POU2F1: variants seen among roughly 807,000 people sequenced by gnomAD.
POU2F1 encodes the protein POU class 2 homeobox 1, also known as POU domain, class 2, transcription factor 1.
POU2F1 carries 16 observed loss-of-function variants against 84.9 expected under a neutral mutation model. The observed-to-expected ratio is 0.19, with a 90% confidence interval of 0.13 to 0.29. The LOEUF is 0.29. POU2F1 is among the 10% of genes least tolerant of loss of function. POU2F1 has a pLI of 1.00. For synonymous variants in POU2F1, 368 were observed against 368.3 expected, an observed-to-expected ratio of 1.00 and a Z score of 0.01; for missense variants, 738 against 942.6, an observed-to-expected ratio of 0.78 and a Z score of 2.84.
chr1:167,252,279 G>A (rs1180228412), intron 1 of POU2F1, among the ~76,000 whole-genome samples: 1 of 152,036 alleles, frequency 6.6e-6, no homozygotes, highest in Non-Finnish European at 1.5e-5. Flanking sequence ...ATCCCTTTAA[G>A]ACGCTTTTAC....
intron 1 of POU2F1, among the ~76,000 whole-genome samples, chr1:167,303,815 G>C (rs1205368262): frequency 2.0e-5 from 3 of 152,136 alleles, no homozygotes; most frequent in African/African-American, 7.2e-5. Flanking sequence ...TCTTAGATTA[G>C]ACTCTGGTCT....
At chr1:167,249,524 CA>C (rs1484939723) in intron 1 of POU2F1, among the ~76,000 whole-genome samples, 4 of 152,098 alleles carry the variant, frequency 2.6e-5, no homozygotes, top group African/African-American at 7.2e-5. Context: ...AACAGAAGGA[CA>C]GGGGAGCAAG....
chr1:167,222,241 C>T (rs1426461518), intron 1 of POU2F1, among the ~76,000 whole-genome samples: 1 of 152,144 alleles, frequency 6.6e-6, no homozygotes, highest in Non-Finnish European at 1.5e-5. Context: ...CGGGGATCCC[C>T]CTCCCTTCTT....
chr1:167,267,412 G>A (rs942022388), intron 1 of POU2F1, among the ~76,000 whole-genome samples: 1 of 151,696 alleles, frequency 6.6e-6, no homozygotes, highest in African/African-American at 2.4e-5. Flanking sequence ...AACTAAAACC[G>A]TGAGACAGTG....
chr1:167,369,303 C>T (rs941606386), intron 3 of POU2F1, among the ~76,000 whole-genome samples: 5 of 152,148 alleles, frequency 3.3e-5, no homozygotes, highest in African/African-American at 1.2e-4. Flanking sequence ...TGTCTCCTTC[C>T]TGGTGACTCT....
At chr1:167,229,310 T>C (rs1279684530) in intron 1 of POU2F1, among the ~76,000 whole-genome samples, 1 of 152,076 alleles carries the variant, frequency 6.6e-6, no homozygotes, top group Non-Finnish European at 1.5e-5. Context: ...TGTAGGGATG[T>C]TGGGAAAAGG....
At chr1:167,226,717 C>G (rs1255458967) in intron 1 of POU2F1, among the ~76,000 whole-genome samples, 1 of 152,104 alleles carries the variant, frequency 6.6e-6, no homozygotes, top group Non-Finnish European at 1.5e-5. Context: ...TTATGGGGTT[C>G]TGTGTGTTTT....
intron 1 of POU2F1, among the ~76,000 whole-genome samples, chr1:167,290,464 T>C (rs1653846992): frequency 6.6e-6 from 1 of 152,208 alleles, no homozygotes; most frequent in Admixed American, 6.5e-5. Context: ...ATTATACCCT[T>C]TTATCAAAAT....
intron 2 of POU2F1, chr1:167,338,240 C>G (rs1657601611): frequency 2.2e-6 from 1 of 463,208 alleles, no homozygotes. Context: ...TGTGATGATC[C>G]ACTTCCACTT....
At chr1:167,254,154 G>A (rs1650957537) in intron 1 of POU2F1, among the ~76,000 whole-genome samples, 1 of 152,108 alleles carries the variant, frequency 6.6e-6, no homozygotes, top group Non-Finnish European at 1.5e-5. Flanking sequence ...ACTTTGGATA[G>A]TGCTCTTTCA....
At chr1:167,357,035 A>G (rs908434363) in intron 2 of POU2F1, among the ~76,000 whole-genome samples, 6 of 152,144 alleles carry the variant, frequency 3.9e-5, no homozygotes, top group Admixed American at 6.5e-5. Flanking sequence ...CCTGCCTTCA[A>G]TTAACACTTT....
At chr1:167,363,947 G>C (rs1659503275) in intron 2 of POU2F1, among the ~76,000 whole-genome samples, 1 of 152,176 alleles carries the variant, frequency 6.6e-6, no homozygotes, top group Non-Finnish European at 1.5e-5. Context: ...GTGCTCTTCT[G>C]ACTGGTTTGC....
At chr1:167,354,332 C>T (rs1285119681) in intron 2 of POU2F1, among the ~76,000 whole-genome samples, 1 of 152,070 alleles carries the variant, frequency 6.6e-6, no homozygotes, top group Non-Finnish European at 1.5e-5. Flanking sequence ...CACTCTGTCA[C>T]CCAGGCTGGA....
intron 1 of POU2F1, among the ~76,000 whole-genome samples, chr1:167,281,201 ACT>A (rs1266142809): frequency 2.0e-5 from 3 of 152,170 alleles, no homozygotes; most frequent in African/African-American, 7.2e-5. Flanking sequence ...AAAGAGTCAA[ACT>A]CTGTAAAATA....
intron 1 of POU2F1, among the ~76,000 whole-genome samples, chr1:167,276,203 A>C (rs1301062075): frequency 3.3e-5 from 5 of 152,182 alleles, no homozygotes; most frequent in Non-Finnish European, 5.9e-5. Flanking sequence ...CGAGGACGTG[A>C]ATCTTTCCTT....
intron 1 of POU2F1, among the ~76,000 whole-genome samples, chr1:167,305,696 G>A (rs1183100907): frequency 6.6e-6 from 1 of 152,160 alleles, no homozygotes; most frequent in African/African-American, 2.4e-5. Flanking sequence ...TATACAAGGT[G>A]AGAAGCATTA....
chr1:167,246,271 A>G (rs1222401038), intron 1 of POU2F1, among the ~76,000 whole-genome samples: 1 of 152,182 alleles, frequency 6.6e-6, no homozygotes, highest in Non-Finnish European at 1.5e-5. Flanking sequence ...TTGAGAAATC[A>G]AATGCTGCTG....
rs140785124 is a variant in POU2F1, at chr1:167,375,649, G to A, written c.592-380G>A. 4.9e-3 allele frequency among the ~76,000 whole-genome samples: 741 copies of A among 152,176 alleles called. 2 individuals carry two copies. Among genetic ancestry groups the A allele is most frequent in the South Asian group, 0.015 (70 of 4,820 alleles). ...ATTGATGGAAATTCAGACATAACAC[G>A]ATCAATTTTTATTTAAGAGAAAGAT... On this transcript the variant is annotated intron_variant, in intron 6 of 15. Coordinates refer to ENST00000367866, the MANE Select transcript of POU2F1 (RefSeq NM_002697.4).
At chr1:167,381,304 C>T (rs1331802700) in intron 7 of POU2F1, among the ~76,000 whole-genome samples, 4 of 152,208 alleles carry the variant, frequency 2.6e-5, no homozygotes, top group Admixed American at 2.0e-4. Context: ...AGGATGGTCT[C>T]GATTTCCTGA....
Sources: allele counts gnomAD v4.1 joint callset (sites outside exome capture counted in the v4.1 genomes callset), GRCh38; gene constraint gnomAD v4.1.1; transcripts MANE v1.5; gene names NCBI Gene and HGNC (gene_info 2026-07-23, HGNC 2026-07-21).